HMGB1: variants seen among roughly 807,000 people sequenced by gnomAD.
HMGB1 encodes high mobility group protein B1.
For synonymous variants in HMGB1, 81 were observed against 84.0 expected (o/e 0.96, Z 0.19); for missense variants, 79 against 253.5 (o/e 0.31, Z 4.67).
At chr13:30,472,613 A>AACAAT (rs1886972429) in intron 1 of HMGB1, among the ~76,000 whole-genome samples, 2 of 129,568 alleles carry the variant, frequency 1.5e-5, no homozygotes, top group Non-Finnish European at 3.4e-5. Context: ...AACAAAACAA[A>AACAAT]ACAATACAGA....
chr13:30,551,715 C>T (rs879783427), intron 1 of HMGB1, among the ~76,000 whole-genome samples: 4 of 152,128 alleles, frequency 2.6e-5, no homozygotes, highest in South Asian at 2.1e-4. Flanking sequence ...AATTTATTTA[C>T]TTTTCTTAGA....
At chr13:30,484,170 A>C (rs1002904787) in intron 1 of HMGB1, among the ~76,000 whole-genome samples, 8 of 152,174 alleles carry the variant, frequency 5.3e-5, no homozygotes, top group Non-Finnish European at 1.0e-4. Flanking sequence ...GGTACCCCCC[A>C]TCCCAGCCTG....
chr13:30,574,132 T>G (rs1870548435), intron 1 of HMGB1, among the ~76,000 whole-genome samples: 1 of 152,190 alleles, frequency 6.6e-6, no homozygotes. Flanking sequence ...CAGTGAGATA[T>G]TCAAAGTTTA....
At chr13:30,520,689 T>C (rs1045033674) in intron 1 of HMGB1, among the ~76,000 whole-genome samples, 3 of 152,226 alleles carry the variant, frequency 2.0e-5, no homozygotes, top group African/African-American at 7.2e-5. Context: ...ATCTCAGCCT[T>C]GTGAATCACT....
chr13:30,568,751 C>G (rs1403062177), intron 1 of HMGB1, among the ~76,000 whole-genome samples: 4 of 152,146 alleles, frequency 2.6e-5, no homozygotes, highest in African/African-American at 9.7e-5. Context: ...GGGATGATTT[C>G]TCCCTCACAG....
chr13:30,473,446 A>G (rs1298395467), intron 1 of HMGB1, among the ~76,000 whole-genome samples: 2 of 152,238 alleles, frequency 1.3e-5, no homozygotes, highest in Non-Finnish European at 2.9e-5. Context: ...CAGAAAGGTG[A>G]TCTAAGTTCA....
At chr13:30,489,862 G>A (rs2137439715) in intron 1 of HMGB1, among the ~76,000 whole-genome samples, 1 of 151,456 alleles carries the variant, frequency 6.6e-6, no homozygotes. Flanking sequence ...AGCCTCCTGA[G>A]TAGCTGGGAT....
intron 1 of HMGB1, among the ~76,000 whole-genome samples, chr13:30,538,310 T>C (rs1219337613): frequency 1.3e-5 from 2 of 152,146 alleles, no homozygotes; most frequent in Non-Finnish European, 2.9e-5. Context: ...AGTAAAACTA[T>C]CAGTCAGATT....
chr13:30,537,652 C>CCTAT (rs1555238610), intron 1 of HMGB1, among the ~76,000 whole-genome samples: 3 of 68,002 alleles, frequency 4.4e-5, no homozygotes, highest in African/African-American at 1.1e-4. Context: ...CATTCTTGTT[C>CCTAT]ATATATATAT....
At chr13:30,491,668 A>G (rs1478985466) in intron 1 of HMGB1, among the ~76,000 whole-genome samples, 2 of 151,688 alleles carry the variant, frequency 1.3e-5, no homozygotes, top group African/African-American at 4.8e-5. Context: ...CTCAAAAAAA[A>G]AAAAAGAAAA....
At chr13:30,577,788 T>G (rs745483148) in intron 1 of HMGB1, among the ~76,000 whole-genome samples, 1 of 152,240 alleles carries the variant, frequency 6.6e-6, no homozygotes, top group Non-Finnish European at 1.5e-5. Context: ...TGGCACATTA[T>G]AAGCATTCAA....
chr13:30,616,342 G>T (rs1353008711), intron 1 of HMGB1, among the ~76,000 whole-genome samples: 1 of 152,172 alleles, frequency 6.6e-6, no homozygotes, highest in Non-Finnish European at 1.5e-5. Context: ...TGCAGACAAC[G>T]TTTTAAAAAA....
chr13:30,604,880 C>T (rs1459522602), intron 1 of HMGB1, among the ~76,000 whole-genome samples: 1 of 152,062 alleles, frequency 6.6e-6, no homozygotes, highest in African/African-American at 2.4e-5. Flanking sequence ...GGATGGTCTC[C>T]ATCTCCTGAT....
intron 1 of HMGB1, among the ~76,000 whole-genome samples, chr13:30,538,553 CT>C (rs10532111): frequency 1.1e-4 from 8 of 69,712 alleles, no homozygotes; most frequent in African/African-American, 5.7e-4. Context: ...TTCTTTCTTT[CT>C]TTTTCTTTCT....
At chr13:30,465,074 T>A in intron 1 of HMGB1, 11 of 853,944 alleles carry the variant, frequency 1.3e-5, no homozygotes, top group Non-Finnish European at 1.3e-5. Flanking sequence ...AAAAGTTGCC[T>A]CGGAACTGCT....
At chr13:30,538,537 CTTTCTTTCTTTCTTTCTT>C (rs1868610876) in intron 1 of HMGB1, among the ~76,000 whole-genome samples, 6 of 77,286 alleles carry the variant, frequency 7.8e-5, no homozygotes, top group East Asian at 3.0e-4. Flanking sequence ...TCTTTCTTTC[CTTTCTTTCTTTCTTTCTT>C]TTTCTTTCTT....
chr13:30,560,433 G>C (rs1354042563), intron 1 of HMGB1, among the ~76,000 whole-genome samples: 1 of 152,206 alleles, frequency 6.6e-6, no homozygotes, highest in African/African-American at 2.4e-5. Context: ...CATCAAGCAG[G>C]CATAAGGAAG....
intron 1 of HMGB1, among the ~76,000 whole-genome samples, chr13:30,489,393 A>G (rs1887434008): frequency 6.6e-6 from 1 of 152,154 alleles, no homozygotes; most frequent in Non-Finnish European, 1.5e-5. Context: ...TAAGTTAACT[A>G]TTTTCTTAAC....
intron 1 of HMGB1, among the ~76,000 whole-genome samples, chr13:30,608,986 G>A (rs1399912529): frequency 6.6e-6 from 1 of 152,218 alleles, no homozygotes; most frequent in Non-Finnish European, 1.5e-5. Flanking sequence ...GTGAGGCCGG[G>A]CGCGGCGGCT....
Sources: allele counts gnomAD v4.1 joint callset (sites outside exome capture counted in the v4.1 genomes callset), GRCh38; gene constraint gnomAD v4.1.1; transcripts MANE v1.5; gene names NCBI Gene and HGNC (gene_info 2026-07-23, HGNC 2026-07-21).